Variants in CRADD observed in about 807,000 individuals in gnomAD.
CRADD encodes the protein CARD and death domain containing adaptor protein.
CRADD carries 9 observed loss-of-function variants against 15.5 expected under a neutral mutation model. The ratio of observed to expected loss-of-function variants is 0.58; its 90% confidence interval spans 0.35 to 1.01. The LOEUF (loss-of-function observed/expected upper bound fraction) is 1.01, where lower values mean the gene tolerates loss of function less well. CRADD is among the 50% of genes least tolerant of loss of function. The pLI is 0.02. For synonymous variants in CRADD, 118 were observed against 107.6 expected (o/e 1.10, Z -0.60); for missense variants, 227 against 250.3 (o/e 0.91, Z 0.63).
intron 2 of CRADD, among the ~76,000 whole-genome samples, chr12:93,773,355 A>G (rs1957105086): frequency 6.6e-6 from 1 of 152,146 alleles, no homozygotes; most frequent in Admixed American, 6.5e-5. Flanking sequence ...GTGGTGACGA[A>G]TGAGTCTCAC....
intron 2 of CRADD, among the ~76,000 whole-genome samples, chr12:93,743,865 C>T (rs1454461455): frequency 2.6e-5 from 4 of 151,730 alleles, no homozygotes; most frequent in Non-Finnish European, 5.9e-5. Flanking sequence ...TTAAAAATTC[C>T]TTTGATTATT....
At chr12:93,873,458 GT>G (rs1958436467) in intron 2 of CRADD, among the ~76,000 whole-genome samples, 1 of 152,028 alleles carries the variant, frequency 6.6e-6, no homozygotes, top group African/African-American at 2.4e-5. Context: ...AATAACAGTG[GT>G]GAAAGTGGGC....
At chr12:93,836,271 G>A (rs1743951965) in intron 2 of CRADD, 1 of 152,176 alleles carries the variant, frequency 6.6e-6, no homozygotes, top group Non-Finnish European at 1.5e-5. Flanking sequence ...TTGAGTTTGG[G>A]TGAATAATTG....
At chr12:93,792,637 A>G (rs1161681133) in intron 2 of CRADD, among the ~76,000 whole-genome samples, 1 of 152,188 alleles carries the variant, frequency 6.6e-6, no homozygotes, top group Non-Finnish European at 1.5e-5. Context: ...TTTTCTATGG[A>G]AAAATATAGA....
At chr12:93,811,988 G>T (rs555889436) in intron 2 of CRADD, among the ~76,000 whole-genome samples, 1 of 152,320 alleles carries the variant, frequency 6.6e-6, no homozygotes, top group East Asian at 1.9e-4. Flanking sequence ...AAAAGACATG[G>T]AGGAACATTA....
At chr12:93,807,542 A>G (rs1440902060) in intron 2 of CRADD, among the ~76,000 whole-genome samples, 1 of 152,094 alleles carries the variant, frequency 6.6e-6, no homozygotes, top group Non-Finnish European at 1.5e-5. Flanking sequence ...GCACTGTCCT[A>G]GGTACCAGAG....
chr12:93,812,045 T>C (rs1957633143), intron 2 of CRADD, among the ~76,000 whole-genome samples: 1 of 152,200 alleles, frequency 6.6e-6, no homozygotes. Context: ...GGCGGTATAC[T>C]GTATGACATC....
chr12:93,890,682 A>G (rs552690278), intron 2 of CRADD, among the ~76,000 whole-genome samples: 3 of 151,996 alleles, frequency 2.0e-5, no homozygotes, highest in African/African-American at 4.8e-5. Context: ...CAATCTACCT[A>G]TAGCCTGCTT....
chr12:93,828,553 G>A (rs367568272), intron 2 of CRADD, among the ~76,000 whole-genome samples: 13 of 152,348 alleles, frequency 8.5e-5, no homozygotes, highest in Admixed American at 3.3e-4. Context: ...GTGCTTGTGC[G>A]TATGGAGAGT....
At chr12:93,873,937 A>G (rs1958440161) in intron 2 of CRADD, among the ~76,000 whole-genome samples, 1 of 151,770 alleles carries the variant, frequency 6.6e-6, no homozygotes, top group Non-Finnish European at 1.5e-5. Flanking sequence ...TGGTTTTGGT[A>G]TCAAGGTAAT....
In CRADD at chr12:93,813,611, G is replaced by A. The variant is rs145795578; in HGVS notation, c.299-36359G>A. ...GTAACTAATTTAGGTTGAGTTCTCCGGCTCATGTATCAGAGTGTGTATGAC... is the reference window on the plus strand; with the variant it reads ...GTAACTAATTTAGGTTGAGTTCTCCAGCTCATGTATCAGAGTGTGTATGAC... On this transcript the variant is annotated intron_variant, in intron 2 of 2. Coordinates refer to ENST00000332896, the MANE Select transcript of CRADD (RefSeq NM_003805.5). Among the ~76,000 whole-genome samples, 241 of 152,142 alleles carry A rather than the reference G, an allele frequency of 1.6e-3. 2 individuals are homozygous for A. The highest frequency in any genetic ancestry group is 5.3e-3 in the African/African-American group (220 of 41,494).
At chr12:93,766,879 T>C (rs1957031982) in intron 2 of CRADD, among the ~76,000 whole-genome samples, 1 of 152,188 alleles carries the variant, frequency 6.6e-6, no homozygotes, top group African/African-American at 2.4e-5. Context: ...TAGAAGAAGA[T>C]GTGTTGATTA....
intron 2 of CRADD, among the ~76,000 whole-genome samples, chr12:93,880,879 A>T (rs922597312): frequency 1.3e-5 from 2 of 152,326 alleles, no homozygotes; most frequent in Admixed American, 1.3e-4. Context: ...CTCTGGTTTC[A>T]GTAGATTTGT....
At chr12:93,730,648 G>T (rs1395772943) in intron 2 of CRADD, among the ~76,000 whole-genome samples, 1 of 151,704 alleles carries the variant, frequency 6.6e-6, no homozygotes, top group Non-Finnish European at 1.5e-5. Context: ...TGAAAGATGG[G>T]TTAAATGAGT....
intron 2 of CRADD, among the ~76,000 whole-genome samples, chr12:93,884,395 C>T (rs1473860595): frequency 6.6e-6 from 1 of 152,130 alleles, no homozygotes; most frequent in Non-Finnish European, 1.5e-5. Context: ...AGCCAGAGGT[C>T]CCTGGCGAAA....
chr12:93,847,484 C>A (rs1593041715), intron 2 of CRADD, among the ~76,000 whole-genome samples: 1 of 117,394 alleles, frequency 8.5e-6, no homozygotes, highest in Non-Finnish European at 1.7e-5. Flanking sequence ...CTATGGCAGT[C>A]ATGAGCATTG....
intron 2 of CRADD, among the ~76,000 whole-genome samples, chr12:93,749,990 G>C (rs1956811675): frequency 6.6e-6 from 1 of 152,162 alleles, no homozygotes; most frequent in Admixed American, 6.5e-5. Flanking sequence ...ACCTTTAGGG[G>C]CAAGATCTCC....
intron 2 of CRADD, among the ~76,000 whole-genome samples, chr12:93,704,301 G>A (rs946635101): frequency 1.3e-5 from 2 of 151,948 alleles, no homozygotes; most frequent in Admixed American, 1.3e-4. Context: ...TACATATTTG[G>A]TACATCATGT....
At chr12:93,700,794 G>A (rs955111617) in intron 2 of CRADD, among the ~76,000 whole-genome samples, 2 of 152,072 alleles carry the variant, frequency 1.3e-5, no homozygotes, top group Non-Finnish European at 2.9e-5. Context: ...TTGCCTGAGT[G>A]TCTTTGCCTA....
Sources: allele counts gnomAD v4.1 joint callset (sites outside exome capture counted in the v4.1 genomes callset), GRCh38; gene constraint gnomAD v4.1.1; transcripts MANE v1.5; gene names NCBI Gene and HGNC (gene_info 2026-07-23, HGNC 2026-07-21).